The following PLXNA4 variants were observed in gnomAD, a reference collection of about 807,000 sequenced individuals.
The protein encoded by PLXNA4 is plexin A4, also known as plexin-A4.
A neutral mutation model predicts 191.8 loss-of-function variants in PLXNA4; 44 were observed. The observed-to-expected ratio is 0.23, with a 90% CI of 0.18 to 0.29. The LOEUF (loss-of-function observed/expected upper bound fraction) is 0.29, where lower values mean the gene tolerates loss of function less well. PLXNA4 is among the 10% of genes least tolerant of loss of function. The pLI, the probability that PLXNA4 is intolerant of heterozygous loss-of-function variation, is 1.00. For missense variants in PLXNA4, 1,800 were observed against 2,488.8 expected (o/e 0.72, Z 5.89); for synonymous variants, 1,082 against 1,009.5 (o/e 1.07, Z -1.36).
chr7:132,324,761 A>C (rs1269010526), intron 3 of PLXNA4, among the ~76,000 whole-genome samples: 1 of 152,196 alleles, frequency 6.6e-6, no homozygotes, highest in Non-Finnish European at 1.5e-5. Context: ...GCGATGCCTG[A>C]GGCCAGAGTT....
At chr7:132,638,356 C>A (rs141712284) in intron 2 of PLXNA4, among the ~76,000 whole-genome samples, 1 of 152,126 alleles carries the variant, frequency 6.6e-6, no homozygotes, top group Non-Finnish European at 1.5e-5. Context: ...AACTCCTATA[C>A]AAGAAAATGC....
chr7:132,645,636 T>C (rs774316515), intron 2 of PLXNA4, among the ~76,000 whole-genome samples: 10 of 152,222 alleles, frequency 6.6e-5, no homozygotes, highest in Non-Finnish European at 1.3e-4. Flanking sequence ...TAGGGGCTCA[T>C]CTTATGAGTA....
chr7:132,331,250 G>T (rs929987342), intron 3 of PLXNA4, among the ~76,000 whole-genome samples: 1 of 152,246 alleles, frequency 6.6e-6, no homozygotes, highest in Admixed American at 6.5e-5. Flanking sequence ...AGATGGATAT[G>T]GGAGCATCTC....
At chr7:132,314,701 C>A (rs768082839) in intron 3 of PLXNA4, among the ~76,000 whole-genome samples, 9 of 152,212 alleles carry the variant, frequency 5.9e-5, no homozygotes, top group Non-Finnish European at 1.2e-4. Flanking sequence ...TGTATCAGAA[C>A]TGTCCTGGGT....
chr7:132,441,499 T>C (rs1224917262), intron 3 of PLXNA4, among the ~76,000 whole-genome samples: 1 of 152,196 alleles, frequency 6.6e-6, no homozygotes, highest in Non-Finnish European at 1.5e-5. Flanking sequence ...CCCCCACTGA[T>C]GTTCCCTAGC....
chr7:132,643,393 G>C (rs1012598610), intron 2 of PLXNA4, among the ~76,000 whole-genome samples: 3 of 152,014 alleles, frequency 2.0e-5, no homozygotes, highest in African/African-American at 7.2e-5. Flanking sequence ...CCAGCCGCCA[G>C]GTGTGCTGAC....
intron 2 of PLXNA4, among the ~76,000 whole-genome samples, chr7:132,595,535 T>G (rs991775472): frequency 1.3e-5 from 2 of 152,168 alleles, no homozygotes; most frequent in African/African-American, 4.8e-5. Context: ...CCTGAATAAT[T>G]ACCTTGTTCT....
At chr7:132,311,202 G>GTGTGTGTGT (rs1554411105) in intron 3 of PLXNA4, among the ~76,000 whole-genome samples, 2 of 151,068 alleles carry the variant, frequency 1.3e-5, no homozygotes, top group African/African-American at 4.9e-5. Flanking sequence ...GTGCGCGTGT[G>GTGTGTGTGT]GCCTAAAGGA....
chr7:132,205,613 C>T (rs960469105), intron 10 of PLXNA4, among the ~76,000 whole-genome samples: 2 of 152,042 alleles, frequency 1.3e-5, no homozygotes, highest in Non-Finnish European at 2.9e-5. Flanking sequence ...CTTGAAAGTC[C>T]CAGTGGGGAA....
At chr7:132,449,859 C>T (rs1166854030) in intron 3 of PLXNA4, among the ~76,000 whole-genome samples, 1 of 152,250 alleles carries the variant, frequency 6.6e-6, no homozygotes, top group South Asian at 2.1e-4. Context: ...GGAACCAAGA[C>T]CTCTCTGAGA....
chr7:132,259,721 C>A (rs1343178212), intron 4 of PLXNA4, among the ~76,000 whole-genome samples: 1 of 152,126 alleles, frequency 6.6e-6, no homozygotes, highest in Non-Finnish European at 1.5e-5. Flanking sequence ...TGGAAGCGAA[C>A]AAGGTGCCCT....
intron 30 of PLXNA4, among the ~76,000 whole-genome samples, chr7:132,137,831 G>A (rs886851832): frequency 4.6e-5 from 7 of 151,692 alleles, no homozygotes; most frequent in Non-Finnish European, 1.0e-4. Context: ...GGACAGGCGG[G>A]ACGATGGGTT....
At chr7:132,478,627 AC>A (rs1168268494) in intron 3 of PLXNA4, among the ~76,000 whole-genome samples, 2 of 152,194 alleles carry the variant, frequency 1.3e-5, no homozygotes, top group Non-Finnish European at 2.9e-5. Flanking sequence ...TATATAAGGC[AC>A]CCATATATGA....
intron 3 of PLXNA4, among the ~76,000 whole-genome samples, chr7:132,346,187 C>T (rs11973890): frequency 0.066 from 9,998 of 152,164 alleles, 531 homozygotes; most frequent in African/African-American, 0.15. Context: ...TTGATGTCTC[C>T]GAGCCTCATA....
At chr7:132,134,251 CCCCAGCCCTGTGTCTTT>C (rs1795050747) in intron 30 of PLXNA4, among the ~76,000 whole-genome samples, 1 of 152,162 alleles carries the variant, frequency 6.6e-6, no homozygotes, top group Non-Finnish European at 1.5e-5. Flanking sequence ...TCCTTCTGCA[CCCCAGCCCTGTGTCTTT>C]CCCAGCCCTA....
chr7:132,321,621 A>C (rs1373246454), intron 3 of PLXNA4, among the ~76,000 whole-genome samples: 1 of 152,226 alleles, frequency 6.6e-6, no homozygotes, highest in African/African-American at 2.4e-5. Context: ...GTCGGTGCAC[A>C]TAAGCAGACA....
intron 7 of PLXNA4, among the ~76,000 whole-genome samples, chr7:132,226,806 CTGACCCTAGGCCCCCACTTCAAGCCT>C (rs908966271): frequency 1.3e-5 from 2 of 152,190 alleles, no homozygotes; most frequent in African/African-American, 4.8e-5. Context: ...ATTCACAGCC[CTGACCCTAGGCCCCCACTTCAAGCCT>C]TGTTCTTTGC....
At chr7:132,458,585 T>C (rs1796390061) in intron 3 of PLXNA4, among the ~76,000 whole-genome samples, 1 of 150,956 alleles carries the variant, frequency 6.6e-6, no homozygotes, top group Non-Finnish European at 1.5e-5. Context: ...GACTGCAGGA[T>C]TCCAGGCACA....
chr7:132,168,334 C>A lies in PLXNA4; in HGVS notation c.4256G>T (p.Ser1419Ile). ...GAGCAGCAGCTTAGGGTGGTTCTTGCTCTCCAGGTTCTTGTCAATGAGGTC... is the reference window on the plus strand; with the variant it reads ...GAGCAGCAGCTTAGGGTGGTTCTTGATCTCCAGGTTCTTGTCAATGAGGTC... ...LADLIDKNLE[S>I]KNHPKLLLRR... The change falls in exon 22 of 32, where the codon AGC becomes ATC. Residue 1419 changes from serine to isoleucine, a missense_variant. This residue lies in a region of PLXNA4 where 1,397 missense variants were observed against 1,880.4 expected (regional missense o/e 0.74). Transcript: ENST00000321063. 6.3e-7 allele frequency: 1 copy of A among 1,588,970 alleles called. No homozygotes were observed. The highest frequency in any genetic ancestry group is 1.2e-5 in the South Asian group (1 of 86,888).
Sources: gnomAD v4.1 joint callset for allele counts (sites outside exome capture counted in the v4.1 genomes callset) on GRCh38, gnomAD v4.1.1 for gene constraint, gnomAD v4.1.1 regional missense constraint, MANE v1.5 for transcripts, NCBI Gene and HGNC (gene_info 2026-07-23, HGNC 2026-07-21) for gene names.